Variants in SCAI observed in about 807,000 individuals in gnomAD.
The protein encoded by SCAI is suppressor of cancer cell invasion.
Under a neutral mutation model 92.2 loss-of-function variants are expected in SCAI, and 24 were observed. The ratio of observed to expected loss-of-function variants is 0.26; its 90% CI spans 0.19 to 0.37. The LOEUF (loss-of-function observed/expected upper bound fraction) is 0.37, where lower values mean the gene tolerates loss of function less well. Ranked by LOEUF, SCAI falls within the 10% of genes least tolerant of loss-of-function variation. The pLI is 1.00. For missense variants in SCAI, 450 were observed against 736.2 expected (o/e 0.61, Z 4.50); for synonymous variants, 261 against 258.6 (o/e 1.01, Z -0.09).
At chr9:125,047,747 G>A (rs1833475031) in intron 3 of SCAI, among the ~76,000 whole-genome samples, 2 of 152,180 alleles carry the variant, frequency 1.3e-5, no homozygotes, top group Non-Finnish European at 2.9e-5. Flanking sequence ...GAACTGAAAT[G>A]TATGTAAGTA....
At chr9:125,078,741 C>G (rs1834147155) in intron 2 of SCAI, among the ~76,000 whole-genome samples, 1 of 152,004 alleles carries the variant, frequency 6.6e-6, no homozygotes, top group Non-Finnish European at 1.5e-5. Flanking sequence ...CATAGTGAGA[C>G]TCCTATAAAA....
chr9:125,026,764 G>T, intron 6 of SCAI, 48 bp downstream of exon 6: 2 of 958,776 alleles, frequency 2.1e-6, no homozygotes, highest in Non-Finnish European at 1.6e-6. Flanking sequence ...CGAAGATTAA[G>T]ACTGAATGTT....
intron 2 of SCAI, among the ~76,000 whole-genome samples, chr9:125,136,199 C>G (rs1467635963): frequency 6.7e-6 from 1 of 150,344 alleles, no homozygotes; most frequent in African/African-American, 2.4e-5. Context: ...CAGCCTCCAC[C>G]TCCCAGTCTC....
In SCAI at chr9:124,994,994, A is replaced by G. The variant is rs1825630316; in HGVS notation, c.1266T>C (p.Tyr422=). 2 of 1,612,298 alleles carry G rather than the reference A, an allele frequency of 1.2e-6. No homozygotes were observed. The highest frequency in any genetic ancestry group is 1.7e-6 in the Non-Finnish European group (2 of 1,179,286). Residue 422 remains tyrosine, a synonymous_variant, in exon 14 of 18, where the codon TAT becomes TAC. Transcript: ENST00000336505. The stretch of plus-strand genomic sequence containing the variant: ...TGAACAGTGGCTTCCTGGTGAAAGG[A>G]TAGAGATCCCCGGGATGAAGGCTGG... The part of the protein sequence containing the change: ...EMHCLHPGDL[Y]PFTRKPLFII...
chr9:125,066,893 G>T (rs1270233085), intron 2 of SCAI, among the ~76,000 whole-genome samples: 2 of 152,176 alleles, frequency 1.3e-5, no homozygotes, highest in Non-Finnish European at 1.5e-5. Flanking sequence ...ACAGTATTCA[G>T]TACAGTACCA....
intron 14 of SCAI, among the ~76,000 whole-genome samples, chr9:124,991,965 G>A (rs941593551): frequency 1.8e-4 from 27 of 152,192 alleles, no homozygotes; most frequent in African/African-American, 6.3e-4. Flanking sequence ...CACTCAGGCT[G>A]GAATGCAGTG....
chr9:125,055,908 C>A lies in SCAI; in HGVS notation c.198G>T (p.Leu66=), dbSNP rs41304854. 3.5e-3 allele frequency: 5,624 copies of A among 1,612,950 alleles called. 17 individuals carry two copies. The highest frequency in any genetic ancestry group is 4.3e-3 in the Non-Finnish European group (5,059 of 1,179,340). The change falls in exon 3 of 18, where the codon CTG becomes CTT. Residue 66 remains leucine, a synonymous_variant. Transcript: ENST00000336505. ...CATTGAACAGTTGCTTAGATTTATCCAGAAGATAACAAAAATCTGTAACTG... is the reference window on the plus strand; with the variant it reads ...CATTGAACAGTTGCTTAGATTTATCAAGAAGATAACAAAAATCTGTAACTG... ...RKTVTDFCYL[L]DKSKQLFNGL...
intron 3 of SCAI, among the ~76,000 whole-genome samples, chr9:125,036,043 T>C (rs1833189468): frequency 6.6e-6 from 1 of 152,148 alleles, no homozygotes; most frequent in Non-Finnish European, 1.5e-5. Flanking sequence ...CCAGCTACTA[T>C]GGGGGCTGAG....
intron 2 of SCAI, among the ~76,000 whole-genome samples, chr9:125,056,614 C>T (rs1367056073): frequency 6.6e-6 from 1 of 152,166 alleles, no homozygotes; most frequent in Non-Finnish European, 1.5e-5. Context: ...CATTCCTCTA[C>T]ATGGTTAACA....
intron 2 of SCAI, among the ~76,000 whole-genome samples, chr9:125,087,231 G>T (rs1834340825): frequency 6.6e-6 from 1 of 152,150 alleles, no homozygotes. Context: ...TTAGTTTTTT[G>T]CTGTAAATAC....
At chr9:125,040,993 C>T (rs1442178725) in intron 3 of SCAI, among the ~76,000 whole-genome samples, 1 of 151,924 alleles carries the variant, frequency 6.6e-6, no homozygotes, top group East Asian at 1.9e-4. Flanking sequence ...AATAGCTACA[C>T]AATATGAATG....
intron 2 of SCAI, among the ~76,000 whole-genome samples, chr9:125,097,019 G>A (rs1481772128): frequency 6.6e-6 from 1 of 151,860 alleles, no homozygotes; most frequent in Non-Finnish European, 1.5e-5. Context: ...ATTTTAAAAT[G>A]GTAGGAAACT....
At chr9:124,994,088 G>T (rs1832189273) in intron 14 of SCAI, among the ~76,000 whole-genome samples, 1 of 149,956 alleles carries the variant, frequency 6.7e-6, no homozygotes, top group South Asian at 2.1e-4. Context: ...AGGCTGGAGA[G>T]CAATGGTACA....
At chr9:124,959,018 A>AGATTT (rs1415437737) in intron 17 of SCAI, among the ~76,000 whole-genome samples, 1 of 152,002 alleles carries the variant, frequency 6.6e-6, no homozygotes, top group Admixed American at 6.6e-5. Flanking sequence ...CAGATTTTTC[A>AGATTT]TCGTAGCTTC....
intron 15 of SCAI, among the ~76,000 whole-genome samples, chr9:124,972,056 G>C (rs79425300): frequency 0.011 from 1,736 of 152,250 alleles, 90 homozygotes; most frequent in Admixed American, 0.083. Context: ...GAAAACTTAA[G>C]AGAAATGGAA....
Position 124,992,630 on chromosome 9 carries a change from C to T in SCAI, c.1326+2304G>A, listed in dbSNP as rs192874570. Among the ~76,000 whole-genome samples, 131 of 150,822 alleles carry T rather than the reference C, an allele frequency of 8.7e-4. 2 individuals carry two copies. Among genetic ancestry groups the T allele is most frequent in the African/African-American group, 2.9e-3 (121 of 41,064 alleles). On this transcript the variant is annotated intron_variant, in intron 14 of 17. Coordinates refer to ENST00000336505, the MANE Select transcript of SCAI (RefSeq NM_001144877.3). The stretch of plus-strand genomic sequence containing the variant: ...AACTCCTGACCCCAAGTGATCCGCC[C>T]GCCTCAGCCTCCCAAAGTGCTGGGA...
chr9:125,058,786 G>T (rs1299118402), intron 2 of SCAI, among the ~76,000 whole-genome samples: 1 of 152,130 alleles, frequency 6.6e-6, no homozygotes, highest in Non-Finnish European at 1.5e-5. Flanking sequence ...CAGCACAGGG[G>T]TAGAAAAAGT....
intron 9 of SCAI, among the ~76,000 whole-genome samples, chr9:125,004,760 TATATATATATATATA>T (rs1409330803): frequency 3.5e-3 from 35 of 9,890 alleles, no homozygotes; most frequent in Non-Finnish European, 7.2e-3. Context: ...TATATATATA[TATATATATATATATA>T]TATATTTTTT....
At chr9:125,065,996 G>A (rs535255427) in intron 2 of SCAI, 1 of 770,034 alleles carries the variant, frequency 1.3e-6, no homozygotes, top group South Asian at 1.4e-5. Flanking sequence ...ATACTTTTCA[G>A]TGAAATGTTG....
Sources: gnomAD v4.1 joint callset for allele counts (sites outside exome capture counted in the v4.1 genomes callset) on GRCh38, gnomAD v4.1.1 for gene constraint, MANE v1.5 for transcripts, NCBI Gene and HGNC (gene_info 2026-07-23, HGNC 2026-07-21) for gene names.